Variants in LILRA2 observed in about 807,000 individuals in gnomAD.
LILRA2 encodes leukocyte immunoglobulin like receptor A2, also known as leukocyte immunoglobulin-like receptor subfamily A member 2.
A neutral mutation model predicts 47.9 loss-of-function variants in LILRA2; 45 were observed. The ratio of observed to expected loss-of-function variants is 0.94; its 90% confidence interval spans 0.74 to 1.20. LILRA2 has a LOEUF of 1.20. LILRA2 is among the 50% of genes most tolerant of loss of function. The pLI is 0.00. For missense variants in LILRA2, 651 were observed against 598.2 expected, an observed-to-expected ratio of 1.09 and a Z score of -0.92; for synonymous variants, 279 against 249.2, an observed-to-expected ratio of 1.12 and a Z score of -1.13.
chr19:54,575,759 G>A (rs765783174), intron 5 of LILRA2, 48 bp from the exon 6 acceptor site: 38 of 1,608,998 alleles, frequency 2.4e-5, no homozygotes, highest in Non-Finnish European at 3.1e-5. Context: ...GGAGGTCTCA[G>A]CTCAGAACAA....
At chr19:54,579,173 A>G (rs770415535) in intron 6 of LILRA2, among the ~76,000 whole-genome samples, 1 of 152,128 alleles carries the variant, frequency 6.6e-6, no homozygotes, top group African/African-American at 2.4e-5. Context: ...TTAGTCATGA[A>G]GTCCTTGCCC....
At chr19:54,584,941 C>T (rs1449976243) in intron 6 of LILRA2, among the ~76,000 whole-genome samples, 1 of 152,090 alleles carries the variant, frequency 6.6e-6, no homozygotes, top group Non-Finnish European at 1.5e-5. Flanking sequence ...ATGTTGGTGA[C>T]CTAGGGATGG....
chr19:54,577,365 T>C, intron 6 of LILRA2: 2 of 990,506 alleles, frequency 2.0e-6, no homozygotes, highest in East Asian at 1.3e-4. Flanking sequence ...ACTTGGACAC[T>C]GGGAAGATGC....
intron 6 of LILRA2, among the ~76,000 whole-genome samples, chr19:54,586,630 C>T (rs1255917622): frequency 6.6e-6 from 1 of 152,144 alleles, no homozygotes; most frequent in African/African-American, 2.4e-5. Flanking sequence ...GGAGCATTGG[C>T]TTCTGTGGTC....
At chr19:54,581,837 A>AC (rs2062644928) in intron 6 of LILRA2, among the ~76,000 whole-genome samples, 1 of 151,922 alleles carries the variant, frequency 6.6e-6, no homozygotes, top group African/African-American at 2.4e-5. Flanking sequence ...TATGGAACCA[A>AC]AAAAGAGCCC....
rs1280626310 is a variant in LILRA2, at chr19:54,588,416, A to G, written c.*1070A>G. The stretch of plus-strand genomic sequence containing the variant: ...CAGGAGATCTAGACCATCCTGGCTA[A>G]CATGGTGAAACCCCGTCTCTACTAA... On this transcript the variant is annotated 3_prime_UTR_variant, in exon 8 of 8. Transcript: ENST00000391738. 6.6e-6 allele frequency: 1 copy of G among 151,948 alleles called. No homozygotes were observed. The highest frequency in any genetic ancestry group is 1.5e-5 in the Non-Finnish European group (1 of 68,030). The allele number at this position is 151,948 out of a possible 1,614,324, so 9.4% of individuals were successfully genotyped here.
chr19:54,576,228 G>C lies in LILRA2; in HGVS notation c.1255+119G>C. 5.0e-6 allele frequency: 7 copies of C among 1,387,544 alleles called. No homozygotes were observed. In the South Asian group the frequency reaches 8.8e-5, roughly 18 times the overall value. The allele number at this position is 1,387,544 out of a possible 1,614,324, so 86.0% of individuals were successfully genotyped here. A position where few individuals can be genotyped will look rare whatever the true frequency, so the allele number is the denominator to read the frequency against. On this transcript the variant is annotated intron_variant, in intron 6 of 7. Transcript: ENST00000391738. ...GAAGCGGGAGGGTCCACAGGGGAGG[G>C]TCCAGCCCATGGGAGAGTGGAAATA...
Position 54,587,213 on chromosome 19 carries a change from A to C in LILRA2, c.1319A>C (p.Gln440Pro), listed in dbSNP as rs570066633. Residue 440 changes from glutamine (Q) to proline (P), a missense_variant, in exon 8 of 8, where the codon CAA becomes CCA. Coordinates refer to ENST00000391738, the MANE Select transcript of LILRA2 (RefSeq NM_001130917.3). ...CCTCTTTGTCCAGCATCCCTAGGCC[A>C]ACACCCCCAGGATTACACAGTGGAG... ...KTDSTTTSLG[Q>P]HPQDYTVENL... 3.2e-3 allele frequency: 5,226 copies of C among 1,608,444 alleles called. No homozygotes were observed. The South Asian group carries it at 0.044, about 14-fold the overall frequency.
chr19:54,578,362 G>A (rs1164344096), intron 6 of LILRA2, among the ~76,000 whole-genome samples: 1 of 151,922 alleles, frequency 6.6e-6, no homozygotes, highest in African/African-American at 2.4e-5. Context: ...CCCATTATGA[G>A]TGAGAACATG....
rs190247307 is a variant in LILRA2 at position 54,590,246 on chromosome 19, C to T, written c.*2900C>T. 818 of 152,134 alleles carry T rather than the reference C, an allele frequency of 5.4e-3. 8 individuals carry two copies. The highest frequency in any genetic ancestry group is 0.019 in the African/African-American group (781 of 41,486). The allele number at this position is 152,134 out of a possible 1,614,324, so 9.4% of individuals were successfully genotyped here. On this transcript the variant is annotated 3_prime_UTR_variant, in exon 8 of 8. Transcript: ENST00000391738. ...TCTATTTTTTTCATTTCTAGTTTTT[C>T]TCCGATGACTAATGAAAAATTTAAT...
chr19:54,575,694 G>A (rs1288323963), intron 5 of LILRA2, 113 bp from the exon 6 acceptor site: 1 of 1,521,994 alleles, frequency 6.6e-7, no homozygotes, highest in Non-Finnish European at 9.0e-7. Context: ...GGCGGGGAGG[G>A]GAGACTCAGA....
chr19:54,575,618 G>A, intron 5 of LILRA2, 66 bp downstream of exon 5: 1 of 1,590,998 alleles, frequency 6.3e-7, no homozygotes, highest in Non-Finnish European at 8.6e-7. Flanking sequence ...GGGAGCCCAG[G>A]TGGTGATGGC....
chr19:54,587,602 C>A lies in LILRA2; in HGVS notation c.*256C>A. ...CTGGATCCCCTTTTTTTCCCATCCC[C>A]AGACATGAGGCTCCATCCCACATGG... On this transcript the variant is annotated 3_prime_UTR_variant, in exon 8 of 8. Transcript: ENST00000391738. The A allele has an allele frequency of 1.6e-6, 1 of 614,870 alleles. No individual in the cohort carries two copies. The allele number at this position is 614,870 out of a possible 1,614,324, so 38.1% of individuals were successfully genotyped here.
At chr19:54,583,284 C>T (rs1037745036) in intron 6 of LILRA2, among the ~76,000 whole-genome samples, 5 of 152,136 alleles carry the variant, frequency 3.3e-5, no homozygotes, top group African/African-American at 1.2e-4. Flanking sequence ...CAGTAGATGT[C>T]TATTAGGTCT....
At position 54,575,320 on chromosome 19, in the gene LILRA2, G is replaced by C. The variant is rs778587202; in HGVS notation, c.720G>C (p.Leu240=). Residue 240 remains leucine, a synonymous_variant, in exon 5 of 8, where the codon CTG becomes CTC. Coordinates refer to ENST00000391738, the MANE Select transcript of LILRA2 (RefSeq NM_001130917.3). ...PGPMVAPGES[L]TLQCVSDVGY... ...CTATGGTGGCCCCTGGGGAGAGCCT[G>C]ACCCTCCAGTGTGTCTCTGATGTCG... is the stretch of plus-strand genomic sequence containing the variant. 1 of 1,614,042 alleles carries C rather than the reference G, an allele frequency of 6.2e-7. No individual in the cohort carries two copies. The highest frequency in any genetic ancestry group is 1.1e-5 in the South Asian group (1 of 91,080).
Position 54,574,367 on chromosome 19 carries a change from C to T in LILRA2, c.137C>T (p.Thr46Ile), listed in dbSNP as rs1157758899. The change falls in exon 3 of 8, where the codon ACC becomes ATC. Residue 46 changes from threonine to isoleucine, a missense_variant. Coordinates refer to ENST00000391738, the MANE Select transcript of LILRA2 (RefSeq NM_001130917.3). The part of the protein sequence containing the change: ...GSVIIQGSPV[T>I]LRCQGSLQAE... ...GTGATCATCCAGGGAAGTCCTGTGA[C>T]CCTCAGGTGTCAGGGGAGCCTTCAG... 6 of 1,614,236 alleles carry T rather than the reference C, an allele frequency of 3.7e-6. No homozygotes were observed. The highest frequency in any genetic ancestry group is 1.7e-5 in the Admixed American group (1 of 60,030).
intron 5 of LILRA2, 98 bp from the exon 6 acceptor site, chr19:54,575,709 A>G: frequency 6.3e-7 from 1 of 1,584,240 alleles, no homozygotes; most frequent in Non-Finnish European, 8.6e-7. Flanking sequence ...CTCAGAGAAA[A>G]CAGAGACAGA....
chr19:54,585,019 T>C (rs924994756), intron 6 of LILRA2, among the ~76,000 whole-genome samples: 2 of 152,234 alleles, frequency 1.3e-5, no homozygotes, highest in African/African-American at 2.4e-5. Flanking sequence ...GTTTTCCTTC[T>C]AAGAGTCAGA....
In LILRA2 at chr19:54,574,805, T is replaced by C. The variant is rs767785798; in HGVS notation, c.427T>C (p.Cys143Arg). 6 of 1,614,156 alleles carry C rather than the reference T, an allele frequency of 3.7e-6. No individual in the cohort carries two copies. The African/African-American group carries it at 8.0e-5, about 22-fold the overall frequency. The change falls in exon 4 of 8, where the codon TGT (cysteine) becomes CGT (arginine). Residue 143 changes from cysteine to arginine, a missense_variant. Coordinates refer to ENST00000391738, the MANE Select transcript of LILRA2 (RefSeq NM_001130917.3). ...VTSGGNVTLQ[C>R]VSQVAFDGFI... Reference sequence around the variant, plus strand: ...CTCAGGAGGGAACGTGACCCTCCAGTGTGTCTCACAGGTGGCATTTGACGG... The same window carrying C: ...CTCAGGAGGGAACGTGACCCTCCAGCGTGTCTCACAGGTGGCATTTGACGG...
Sources: allele counts gnomAD v4.1 joint callset (sites outside exome capture counted in the v4.1 genomes callset), GRCh38; gene constraint gnomAD v4.1.1; transcripts MANE v1.5; gene names NCBI Gene and HGNC (gene_info 2026-07-23, HGNC 2026-07-21).